Variants in OLFM3 observed in about 807,000 individuals in gnomAD.
OLFM3 encodes the protein noelin-3.
In OLFM3, 20 loss-of-function variants were observed where a neutral mutation model predicts 48.6. That is an observed-to-expected ratio of 0.41 (90% CI 0.29 to 0.60). The LOEUF is 0.60. Ranked by LOEUF, OLFM3 falls within the 20% of genes least tolerant of loss-of-function variation. The probability of loss-of-function intolerance (pLI) is 0.28; values close to 1 mark genes in which losing one functional copy is unlikely to be tolerated. For missense variants in OLFM3, 437 were observed against 544.3 expected (o/e 0.80, Z 1.96); for synonymous variants, 222 against 198.1 (o/e 1.12, Z -1.01).
At chr1:101,869,735 C>T (rs991842871) in intron 1 of OLFM3, among the ~76,000 whole-genome samples, 1 of 152,134 alleles carries the variant, frequency 6.6e-6, no homozygotes, top group African/African-American at 2.4e-5. Flanking sequence ...GTAATTGAAT[C>T]ATGGGGGCAG....
intron 1 of OLFM3, chr1:101,893,532 G>A (rs1658082924): frequency 3.5e-6 from 1 of 282,812 alleles, no homozygotes. Flanking sequence ...ACCAGGACTG[G>A]AGCCAGGAGA....
chr1:101,962,068 G>A (rs1660483523), intron 1 of OLFM3, among the ~76,000 whole-genome samples: 1 of 152,096 alleles, frequency 6.6e-6, no homozygotes, highest in African/African-American at 2.4e-5. Flanking sequence ...CCGTGTAATA[G>A]GTGTAGAGGT....
chr1:101,956,636 A>G (rs2101077862), intron 1 of OLFM3, among the ~76,000 whole-genome samples: 1 of 152,066 alleles, frequency 6.6e-6, no homozygotes, highest in South Asian at 2.1e-4. Flanking sequence ...GTCTGTAAGT[A>G]TAAGCTTATT....
At chr1:101,956,423 T>TA (rs530865566) in intron 1 of OLFM3, among the ~76,000 whole-genome samples, 1 of 151,766 alleles carries the variant, frequency 6.6e-6, no homozygotes, top group South Asian at 2.1e-4. Context: ...ACCTATTATT[T>TA]AAAAAAATCC....
intron 3 of OLFM3, among the ~76,000 whole-genome samples, chr1:101,828,050 G>GTCTCTCTCTCTC (rs755584838): frequency 7.4e-6 from 1 of 134,914 alleles, no homozygotes; most frequent in Non-Finnish European, 1.6e-5. Flanking sequence ...CTGTCTGTCT[G>GTCTCTCTCTCTC]TCTCTCTCTC....
At chr1:101,907,574 C>T (rs1557725664) in intron 1 of OLFM3, among the ~76,000 whole-genome samples, 1 of 152,148 alleles carries the variant, frequency 6.6e-6, no homozygotes, top group Non-Finnish European at 1.5e-5. Flanking sequence ...AAAGAGGGGA[C>T]GGAGATGATG....
At chr1:101,823,939 T>G (rs138458520) in intron 4 of OLFM3, among the ~76,000 whole-genome samples, 70 of 150,368 alleles carry the variant, frequency 4.7e-4, no homozygotes, top group African/African-American at 1.6e-3. Flanking sequence ...CCACACTATT[T>G]TGAGGCTGTG....
chr1:101,834,860 A>G (rs1017943537), intron 2 of OLFM3, among the ~76,000 whole-genome samples: 1 of 152,222 alleles, frequency 6.6e-6, no homozygotes, highest in Admixed American at 6.5e-5. Flanking sequence ...CAACCAACCA[A>G]TATAATGCTT....
At chr1:101,981,893 A>T (rs1661115653) in intron 1 of OLFM3, among the ~76,000 whole-genome samples, 1 of 152,208 alleles carries the variant, frequency 6.6e-6, no homozygotes, top group African/African-American at 2.4e-5. Context: ...AATATGAAGA[A>T]GGAATAAAGG....
At chr1:101,806,806 A>G (rs1653799105) in intron 4 of OLFM3, among the ~76,000 whole-genome samples, 1 of 151,758 alleles carries the variant, frequency 6.6e-6, no homozygotes, top group African/African-American at 2.4e-5. Context: ...AAAACCCCCA[A>G]AACTCAAACC....
At position 101,885,505 on chromosome 1, in the gene OLFM3, C is replaced by T. The variant is rs143954416; in HGVS notation, c.70-48480G>A. 1.7e-4 allele frequency among the ~76,000 whole-genome samples: 26 copies of T among 152,026 alleles called. 2 individuals are homozygous for T. In the South Asian group the frequency reaches 3.7e-3, roughly 22 times the overall value. On this transcript the variant is annotated intron_variant, in intron 1 of 5. Transcript: ENST00000370103. ...ATAAAGGTACATGGAGAGTGCCTGC[C>T]TCTCCTTTCTCTCCTTCCATCTCCT...
At chr1:101,881,209 G>T (rs1432739068) in intron 1 of OLFM3, among the ~76,000 whole-genome samples, 2 of 151,808 alleles carry the variant, frequency 1.3e-5, no homozygotes, top group Non-Finnish European at 2.9e-5. Context: ...TGTAGAATGG[G>T]TGTTTGACTT....
chr1:101,918,532 C>A (rs1658994583), intron 1 of OLFM3, among the ~76,000 whole-genome samples: 1 of 150,048 alleles, frequency 6.7e-6, no homozygotes, highest in African/African-American at 2.5e-5. Context: ...CTGTTTCCAC[C>A]ATATGTCTCT....
intron 1 of OLFM3, among the ~76,000 whole-genome samples, chr1:101,961,676 A>C (rs566164728): frequency 1.9e-4 from 29 of 152,304 alleles, no homozygotes; most frequent in African/African-American, 6.5e-4. Context: ...GACAGCGAGG[A>C]GAGACTATGC....
At chr1:101,814,090 A>C (rs1184576987) in intron 4 of OLFM3, among the ~76,000 whole-genome samples, 1 of 152,122 alleles carries the variant, frequency 6.6e-6, no homozygotes, top group Non-Finnish European at 1.5e-5. Context: ...TTTGATGACC[A>C]TGTAAAGTGG....
At chr1:101,805,969 A>C in intron 5 of OLFM3, 107 bp downstream of exon 5, 1 of 665,536 alleles carries the variant, frequency 1.5e-6, no homozygotes, top group South Asian at 2.6e-5. Context: ...ATTATGTACC[A>C]GTTTTCAAGT....
intron 3 of OLFM3, among the ~76,000 whole-genome samples, chr1:101,828,050 G>GTCTGTCTCTCTCTCTC (rs1570529866): frequency 7.4e-6 from 1 of 134,918 alleles, no homozygotes; most frequent in East Asian, 2.4e-4. Flanking sequence ...CTGTCTGTCT[G>GTCTGTCTCTCTCTCTC]TCTCTCTCTC....
At chr1:101,906,428 T>C (rs1658553190) in intron 1 of OLFM3, among the ~76,000 whole-genome samples, 1 of 152,130 alleles carries the variant, frequency 6.6e-6, no homozygotes, top group South Asian at 2.1e-4. Flanking sequence ...AGAGATTATC[T>C]TAGAAATAAT....
chr1:101,903,226 G>C (rs1658447692), intron 1 of OLFM3, among the ~76,000 whole-genome samples: 1 of 152,068 alleles, frequency 6.6e-6, no homozygotes, highest in Admixed American at 6.6e-5. Flanking sequence ...AGCCCAAAGA[G>C]AGTGGCTAAT....
Sources: allele counts gnomAD v4.1 joint callset (sites outside exome capture counted in the v4.1 genomes callset), GRCh38; gene constraint gnomAD v4.1.1; transcripts MANE v1.5; gene names NCBI Gene and HGNC (gene_info 2026-07-23, HGNC 2026-07-21).